The following MGA variants were observed in gnomAD, a reference collection of about 807,000 sequenced individuals.
MGA encodes the protein MAX dimerization protein MGA, also known as MAX gene-associated protein.
A neutral mutation model predicts 261.1 loss-of-function variants in MGA; 40 were observed. The ratio of observed to expected loss-of-function variants is 0.15; its 90% CI spans 0.12 to 0.20. The LOEUF (loss-of-function observed/expected upper bound fraction) is 0.20, where lower values mean the gene tolerates loss of function less well. Among genes scored for constraint, MGA ranks in the 10% least tolerant of loss-of-function variants. MGA has a pLI of 1.00. For missense variants in MGA, 3,397 were observed against 3,630.5 expected, an observed-to-expected ratio of 0.94 and a Z score of 1.65; for synonymous variants, 1,302 against 1,290.6, an observed-to-expected ratio of 1.01 and a Z score of -0.19.
chr15:41,639,668 T>C (rs2056783007), intron 1 of MGA, among the ~76,000 whole-genome samples: 1 of 151,942 alleles, frequency 6.6e-6, no homozygotes, highest in Admixed American at 6.6e-5. Context: ...CCTCAGCCAC[T>C]AGAGTAGCTG....
At chr15:41,706,799 C>G (rs748019080) in intron 5 of MGA, among the ~76,000 whole-genome samples, 9 of 151,842 alleles carry the variant, frequency 5.9e-5, no homozygotes, top group Non-Finnish European at 8.8e-5. Flanking sequence ...GTCTCGAACT[C>G]CTGACCTCAA....
At chr15:41,738,993 C>T (rs1376715381) in intron 13 of MGA, among the ~76,000 whole-genome samples, 1 of 152,150 alleles carries the variant, frequency 6.6e-6, no homozygotes, top group African/African-American at 2.4e-5. Context: ...GATTCTACCT[C>T]ACTCCATCTC....
At chr15:41,623,493 C>T (rs2056359899) in intron 1 of MGA, among the ~76,000 whole-genome samples, 1 of 151,846 alleles carries the variant, frequency 6.6e-6, no homozygotes. Flanking sequence ...GCCTGTAATC[C>T]CAGCACTTTG....
Position 41,621,979 on chromosome 15 carries a change from T to TG in MGA, c.-68+685dup, listed in dbSNP as rs772195432. On this transcript the variant is annotated intron_variant, in intron 1 of 8. Transcript: ENST00000566718. Reference sequence around the variant, plus strand: ...AAGAGTCGCCAAGCAGGGGGAGTGCTGGGGCCGCGTGAAGGTCACATGACG... The same window carrying TG: ...AAGAGTCGCCAAGCAGGGGGAGTGCTGGGGGCCGCGTGAAGGTCACATGACG... Among the ~76,000 whole-genome samples, 28 of 113,198 alleles carry TG rather than the reference T, an allele frequency of 2.5e-4. No homozygotes were observed. The South Asian group carries it at 2.5e-3, about 10-fold the overall frequency. 74.3% of individuals were successfully genotyped at this position (113,198 alleles called of 152,430 possible). A position where few individuals can be genotyped will look rare whatever the true frequency, so the allele number is the denominator to read the frequency against.
chr15:41,709,165 G>A (rs1289301048), intron 7 of MGA, among the ~76,000 whole-genome samples: 1 of 151,900 alleles, frequency 6.6e-6, no homozygotes, highest in African/African-American at 2.4e-5. Context: ...TGGGCAACAT[G>A]GTGAAAACCC....
chr15:41,659,530 G>T (rs1290493511), upstream of MGA, among the ~76,000 whole-genome samples: 1 of 152,210 alleles, frequency 6.6e-6, no homozygotes, highest in Non-Finnish European at 1.5e-5. Flanking sequence ...GAGCACAGAA[G>T]AAAGAACAGC....
intron 22 of MGA, 146 bp from the exon 23 acceptor site, chr15:41,764,740 C>G (rs1473381824): frequency 1.3e-6 from 1 of 759,416 alleles, no homozygotes; most frequent in Non-Finnish European, 2.1e-6. Context: ...GATGGGGTCT[C>G]ACCATGTTTC....
At chr15:41,752,542 C>A (rs2062891027) in intron 17 of MGA, among the ~76,000 whole-genome samples, 1 of 143,678 alleles carries the variant, frequency 7.0e-6, no homozygotes. Flanking sequence ...ATAATAGAAC[C>A]TTTAAAGTTT....
chr15:41,750,103 T>A lies in MGA; in HGVS notation c.6496T>A (p.Ser2166Thr), dbSNP rs368970291. 3.2e-5 allele frequency: 52 copies of A among 1,613,290 alleles called. No individual in the cohort carries two copies. Among genetic ancestry groups the A allele is most frequent in the Non-Finnish European group, 4.3e-5 (51 of 1,179,762 alleles). The change falls in exon 17 of 24, where the codon TCT becomes ACT. Residue 2166 changes from serine (S) to threonine (T), a missense_variant. By Grantham distance (58) the Ser-to-Thr change is moderately conservative (BLOSUM62 1). Transcript: ENST00000219905. ...GGCCAAAGAGAAGGAATGTGGAGACTCTCTGGAGAAAGACAGGGAAAGATG... is the reference window on the plus strand; with the variant it reads ...GGCCAAAGAGAAGGAATGTGGAGACACTCTGGAGAAAGACAGGGAAAGATG...
At chr15:41,752,904 T>C (rs2062929034) in intron 17 of MGA, among the ~76,000 whole-genome samples, 1 of 152,272 alleles carries the variant, frequency 6.6e-6, no homozygotes, top group East Asian at 1.9e-4. Flanking sequence ...AATGTACTAA[T>C]AGGGAATTTG....
At chr15:41,720,657 C>A (rs2060889436) in intron 9 of MGA, among the ~76,000 whole-genome samples, 1 of 152,152 alleles carries the variant, frequency 6.6e-6, no homozygotes, top group African/African-American at 2.4e-5. Context: ...CATGGCGAAA[C>A]CCCGTCTCTA....
chr15:41,672,022 A>T (rs1566957087), intron 2 of MGA, among the ~76,000 whole-genome samples: 1 of 152,234 alleles, frequency 6.6e-6, no homozygotes. Context: ...AGATTTAAAC[A>T]GTTGACCACA....
intron 9 of MGA, among the ~76,000 whole-genome samples, chr15:41,716,287 A>T (rs2060630842): frequency 2.6e-5 from 4 of 151,738 alleles, no homozygotes. Context: ...CTCTACTAAA[A>T]ATACAAAAAA....
intron 11 of MGA, among the ~76,000 whole-genome samples, chr15:41,733,066 C>T (rs2061593839): frequency 6.6e-6 from 1 of 152,194 alleles, no homozygotes; most frequent in African/African-American, 2.4e-5. Context: ...TCAAGTGATT[C>T]TCCCATCTCA....
chr15:41,670,180 T>C (rs910254266), intron 2 of MGA, among the ~76,000 whole-genome samples: 2 of 152,164 alleles, frequency 1.3e-5, no homozygotes, highest in Non-Finnish European at 1.5e-5. Context: ...TTGGATAACT[T>C]ATCAGAATTA....
At chr15:41,622,080 G>A (rs1202242263) in intron 1 of MGA, among the ~76,000 whole-genome samples, 1 of 152,124 alleles carries the variant, frequency 6.6e-6, no homozygotes, top group Non-Finnish European at 1.5e-5. Flanking sequence ...CTTCGACTGC[G>A]CCGGCCTGTG....
At chr15:41,756,018 A>G (rs1395301569) in intron 18 of MGA, among the ~76,000 whole-genome samples, 2 of 151,472 alleles carry the variant, frequency 1.3e-5, no homozygotes, top group East Asian at 1.9e-4. Flanking sequence ...CTCCATCTCA[A>G]AAAAAAAAAT....
chr15:41,659,413 C>A (rs1345756117), upstream of MGA, among the ~76,000 whole-genome samples: 1 of 152,184 alleles, frequency 6.6e-6, no homozygotes, highest in Non-Finnish European at 1.5e-5. Context: ...CTTGCTAATT[C>A]TTATCAAAGA....
Position 41,715,212 on chromosome 15 carries a change from C to T in MGA, c.3430+1716C>T, listed in dbSNP as rs1320883819. Among the ~76,000 whole-genome samples, 10 of 148,656 alleles carry T rather than the reference C, an allele frequency of 6.7e-5. No homozygotes were observed. The East Asian group carries it at 1.2e-3, about 18-fold the overall frequency. ...TTGCCCAGGCTGGAGTGCAGTGGCA[C>T]GATCTCGGCTCACTGCAACCTCCAC... On this transcript the variant is annotated intron_variant, in intron 9 of 23. Transcript: ENST00000219905.
Sources: allele counts gnomAD v4.1 joint callset (sites outside exome capture counted in the v4.1 genomes callset), GRCh38; gene constraint gnomAD v4.1.1; transcripts MANE v1.5; gene names NCBI Gene and HGNC (gene_info 2026-07-23, HGNC 2026-07-21).